HOOK1: variants seen among roughly 807,000 people sequenced by gnomAD.
HOOK1 encodes the protein protein Hook homolog 1.
HOOK1 carries 60 observed loss-of-function variants against 112.8 expected under a neutral mutation model. The observed-to-expected ratio is 0.53, with a 90% CI of 0.43 to 0.66. The LOEUF (loss-of-function observed/expected upper bound fraction) is 0.66. HOOK1 is among the 30% of genes least tolerant of loss of function. HOOK1 has a pLI of 0.00. For missense variants in HOOK1, 770 were observed against 856.0 expected, an observed-to-expected ratio of 0.90 and a Z score of 1.25; for synonymous variants, 294 against 283.8, an observed-to-expected ratio of 1.04 and a Z score of -0.36.
chr1:59,842,832 T>A (rs1281556765), intron 8 of HOOK1, among the ~76,000 whole-genome samples: 2 of 152,048 alleles, frequency 1.3e-5, no homozygotes, highest in Non-Finnish European at 2.9e-5. Flanking sequence ...ATAAAAAAAA[T>A]TGCTCCAGGT....
chr1:59,846,611 T>TC (rs1559053315), intron 9 of HOOK1, among the ~76,000 whole-genome samples: 1 of 106,404 alleles, frequency 9.4e-6, no homozygotes, highest in Admixed American at 1.1e-4. Context: ...CCTCCCTCCC[T>TC]CTCTCTCTCT....
At chr1:59,822,036 AC>A in intron 2 of HOOK1, 93 bp downstream of exon 2, 1 of 950,340 alleles carries the variant, frequency 1.1e-6, no homozygotes, top group Non-Finnish European at 1.7e-6. Flanking sequence ...GGTTGTTGCA[AC>A]TTTATCTTAC....
chr1:59,836,441 A>C (rs985344986), intron 6 of HOOK1, among the ~76,000 whole-genome samples: 1 of 152,182 alleles, frequency 6.6e-6, no homozygotes, highest in Admixed American at 6.5e-5. Flanking sequence ...TTCATCTCAG[A>C]GTTATTTTAC....
intron 15 of HOOK1, among the ~76,000 whole-genome samples, chr1:59,862,513 T>A (rs1447149705): frequency 1.3e-5 from 2 of 152,104 alleles, no homozygotes; most frequent in Non-Finnish European, 2.9e-5. Context: ...GTGAGTGCGG[T>A]GTAGAAATTT....
At chr1:59,852,726 A>T (rs1268227032) in intron 12 of HOOK1, among the ~76,000 whole-genome samples, 1 of 151,652 alleles carries the variant, frequency 6.6e-6, no homozygotes, top group African/African-American at 2.4e-5. Context: ...GTTAAGATAG[A>T]AAGTTAAGTT....
Position 59,832,165 on chromosome 1 carries a change from C to A in HOOK1, c.225C>A (p.Ala75=). 2 of 1,504,420 alleles carry A rather than the reference C, an allele frequency of 1.3e-6. No individual in the cohort carries two copies. The highest frequency in any genetic ancestry group is 1.8e-6 in the Non-Finnish European group (2 of 1,101,930). 93.2% of individuals were successfully genotyped at this position (1,504,420 alleles called of 1,614,324 possible). Residue 75 remains alanine (A), a splice_region_variant and synonymous_variant, in exon 4 of 22, where the codon GCC becomes GCA. Transcript: ENST00000371208. ...ATCTCTTATTTTTTTCACATTAGGC[C>A]AGTAATGTAAAGAAGGTCCTTCAAG... ...EDVGDNWRIK[A]SNVKKVLQGI...
At position 59,849,142 on chromosome 1, in the gene HOOK1, C is replaced by T. The variant is rs186136447; in HGVS notation, c.1201C>T (p.Arg401Trp). ...AGACACACTAGCGTTTGAAATGAAGCGGCTTGAAGAAAAACATGAAGCTTT... is the reference window on the plus strand; with the variant it reads ...AGACACACTAGCGTTTGAAATGAAGTGGCTTGAAGAAAAACATGAAGCTTT... Reference protein sequence around the residue: ...RADTLAFEMKRLEEKHEALLK... With the variant: ...RADTLAFEMKWLEEKHEALLK... Residue 401 changes from arginine (R) to tryptophan (W), a missense_variant, in exon 12 of 22, where the codon CGG (arginine) becomes TGG (tryptophan). Around this residue, in one of 3 missense-constraint regions of HOOK1, gnomAD observed 655 missense variants for 725.9 expected, o/e 0.90. Coordinates refer to ENST00000371208, the MANE Select transcript of HOOK1 (RefSeq NM_015888.6). 1.6e-5 allele frequency: 25 copies of T among 1,608,954 alleles called. 1 individual carries two copies. In the Admixed American group the frequency reaches 2.5e-4, roughly 16 times the overall value.
At chr1:59,859,518 A>T (rs1356296017) in intron 14 of HOOK1, among the ~76,000 whole-genome samples, 1 of 151,978 alleles carries the variant, frequency 6.6e-6, no homozygotes, top group Admixed American at 6.6e-5. Context: ...TAAGAGTTAT[A>T]CTATTGGCAT....
rs773811097 is a variant in HOOK1 at position 59,871,110 on chromosome 1, G to T, written c.2016G>T (p.Lys672Asn). Residue 672 changes from lysine to asparagine, a missense_variant and splice_region_variant, in exon 21 of 22, where the codon AAG becomes AAT. Lys to Asn is a moderately conservative substitution (Grantham distance 94). Transcript: ENST00000371208. ...EKLIVSAWYNKSLAFQKLGME... is the reference protein window; with the variant it reads ...EKLIVSAWYNNSLAFQKLGME... Reference sequence around the variant, plus strand: ...TCATTGTTTCTGCGTGGTATAATAAGGTGAGCTGAAGTTCAGCAAATGATT... The same window carrying T: ...TCATTGTTTCTGCGTGGTATAATAATGTGAGCTGAAGTTCAGCAAATGATT... The T allele has an allele frequency of 6.2e-7, 1 of 1,608,632 alleles. No homozygotes were observed. The highest frequency in any genetic ancestry group is 1.7e-5 in the Admixed American group (1 of 59,886).
At chr1:59,835,225 A>G in intron 5 of HOOK1, 120 bp from the exon 6 acceptor site, 1 of 664,448 alleles carries the variant, frequency 1.5e-6, no homozygotes, top group African/African-American at 1.9e-5. Flanking sequence ...TGGACAAATA[A>G]TGTATTTACA....
At chr1:59,821,747 ATGTTTTTTTTTTT>A (rs2098385806) in intron 1 of HOOK1, 98 bp from the exon 2 acceptor site, 1 of 704,020 alleles carries the variant, frequency 1.4e-6, no homozygotes, top group Non-Finnish European at 2.3e-6. Context: ...AAACAGGACC[ATGTTTTTTTTTTT>A]TGTTTTTTTT....
rs71046347 is a variant in HOOK1, at chr1:59,854,001, AATATATATATATATAT to A, written c.1243-4404_1243-4389del. 3.3e-3 allele frequency among the ~76,000 whole-genome samples: 85 copies of A among 25,694 alleles called. 3 individuals carry two copies. Among genetic ancestry groups the A allele is most frequent in the African/African-American group, 0.012 (76 of 6,542 alleles). 16.9% of individuals were successfully genotyped at this position (25,694 alleles called of 152,430 possible). ...AAGAGTTAAAAATACATTAATCTTA[AATATATATATATATAT>A]ATATATATATATATATATATATTTT... On this transcript the variant is annotated intron_variant, in intron 12 of 21. Transcript: ENST00000371208.
chr1:59,814,996 C>G lies in HOOK1; in HGVS notation c.-122C>G. 1 of 958,628 alleles carries G rather than the reference C, an allele frequency of 1.0e-6. No homozygotes were observed. Among genetic ancestry groups the G allele is most frequent in the Non-Finnish European group, 1.6e-6 (1 of 639,436 alleles). The allele number at this position is 958,628 out of a possible 1,614,324, so 59.4% of individuals were successfully genotyped here. ...CGCGAGGGTTCGCGCGTGAGCTGCGCGGGTCGGGCCTGGTACCGAGCTTTC... is the reference window on the plus strand; with the variant it reads ...CGCGAGGGTTCGCGCGTGAGCTGCGGGGGTCGGGCCTGGTACCGAGCTTTC... On this transcript the variant is annotated 5_prime_UTR_variant, in exon 1 of 22. Transcript: ENST00000371208.
intron 1 of HOOK1, among the ~76,000 whole-genome samples, chr1:59,815,912 G>T (rs1179264586): frequency 6.6e-6 from 1 of 151,944 alleles, no homozygotes; most frequent in Non-Finnish European, 1.5e-5. Context: ...ATTTGTGTTG[G>T]GTCTGGACAG....
At chr1:59,836,174 C>T (rs1396354977) in intron 6 of HOOK1, among the ~76,000 whole-genome samples, 2 of 151,722 alleles carry the variant, frequency 1.3e-5, no homozygotes, top group Non-Finnish European at 1.5e-5. Flanking sequence ...TTAGTTTTAC[C>T]AGGTAAGTTG....
intron 1 of HOOK1, among the ~76,000 whole-genome samples, chr1:59,818,319 G>T (rs2098383053): frequency 6.6e-6 from 1 of 152,148 alleles, no homozygotes; most frequent in Admixed American, 6.5e-5. Context: ...GGAGGAGAAT[G>T]GAGCCAACAT....
intron 1 of HOOK1, 29 bp from the exon 2 acceptor site, chr1:59,821,829 G>T (rs750471885): frequency 1.3e-6 from 2 of 1,498,082 alleles, no homozygotes; most frequent in Admixed American, 4.1e-5. Context: ...TAAAGAAGCA[G>T]TAAGATCATT....
At chr1:59,865,832 A>G in intron 18 of HOOK1, 40 bp from the exon 19 acceptor site, 1 of 966,152 alleles carries the variant, frequency 1.0e-6, no homozygotes, top group Non-Finnish European at 1.6e-6. Context: ...GGTAGTAAAT[A>G]TTAATAACTG....
intron 1 of HOOK1, among the ~76,000 whole-genome samples, chr1:59,819,579 G>A (rs990395076): frequency 1.3e-5 from 2 of 152,188 alleles, no homozygotes; most frequent in Admixed American, 6.5e-5. Flanking sequence ...ACACTCCAAT[G>A]TCCATGGCAG....
Sources: gnomAD v4.1 joint callset for allele counts (sites outside exome capture counted in the v4.1 genomes callset) on GRCh38, gnomAD v4.1.1 for gene constraint, gnomAD v4.1.1 regional missense constraint, MANE v1.5 for transcripts, NCBI Gene and HGNC (gene_info 2026-07-23, HGNC 2026-07-21) for gene names.